Variants in TMPPE observed in about 807,000 individuals in gnomAD.
The protein encoded by TMPPE is transmembrane protein with metallophosphoesterase domain.
In TMPPE, 16 loss-of-function variants were observed where a neutral mutation model predicts 22.6. The observed-to-expected ratio is 0.71, with a 90% CI of 0.48 to 1.08. TMPPE has a LOEUF of 1.08. Ranked by LOEUF, TMPPE falls within the 50% of genes least tolerant of loss-of-function variation. The pLI is 0.00. For missense variants in TMPPE, 526 were observed against 584.3 expected (o/e 0.90, Z 1.03); for synonymous variants, 240 against 245.3 (o/e 0.98, Z 0.20).
In TMPPE at chr3:33,093,237, C is replaced by T; in HGVS notation, c.959G>A (p.Gly320Asp). 6.2e-7 allele frequency: 1 copy of T among 1,614,128 alleles called. No individual in the cohort carries two copies. The highest frequency in any genetic ancestry group is 8.5e-7 in the Non-Finnish European group (1 of 1,180,002). The change falls in exon 2 of 2, where the codon GGC (glycine) becomes GAC (aspartate). Residue 320 changes from glycine (G) to aspartate (D), a missense_variant. Physicochemically the swap from Gly to Asp is moderately conservative, Grantham distance 94. Coordinates refer to ENST00000342462, the MANE Select transcript of TMPPE (RefSeq NM_001039770.3). This position sits in a 1 kb window ranked among gnomAD's most constrained non-coding sequence, Gnocchi z 6.0. ...TRAQRGGGGS[G>D]SGSEDEDWIC... ...CCAGTCCTCATCCTCACTCCCACTGCCACTGCCACCACCACCACGTTGGGC... is the reference window on the plus strand; with the variant it reads ...CCAGTCCTCATCCTCACTCCCACTGTCACTGCCACCACCACCACGTTGGGC...
intron 1 of TMPPE, among the ~76,000 whole-genome samples, chr3:33,095,300 G>A (rs1373100839): frequency 6.6e-6 from 1 of 151,220 alleles, no homozygotes; most frequent in Non-Finnish European, 1.5e-5. Flanking sequence ...GCTGGGTCAC[G>A]AGGTCAGGAG....
At position 33,092,616 on chromosome 3, in the gene TMPPE, T is replaced by C; in HGVS notation, c.*218A>G. 2.2e-6 allele frequency: 3 copies of C among 1,360,390 alleles called. No individual in the cohort carries two copies. The highest frequency in any genetic ancestry group is 2.1e-5 in the South Asian group (1 of 47,996). The allele number at this position is 1,360,390 out of a possible 1,614,324, so 84.3% of individuals were successfully genotyped here. The stretch of plus-strand genomic sequence containing the variant: ...TATGTGACCTTAGTGATCTCACAAG[T>C]GCATCAAAAAAAGCAACTGGCCAAG... On this transcript the variant is annotated 3_prime_UTR_variant, in exon 2 of 2. Coordinates refer to ENST00000342462, the MANE Select transcript of TMPPE (RefSeq NM_001039770.3).
chr3:33,092,711 A>C lies in TMPPE; in HGVS notation c.*123T>G. 6.8e-7 allele frequency: 1 copy of C among 1,469,762 alleles called. No individual in the cohort carries two copies. The highest frequency in any genetic ancestry group is 9.0e-7 in the Non-Finnish European group (1 of 1,114,408). The allele number at this position is 1,469,762 out of a possible 1,614,324, so 91.0% of individuals were successfully genotyped here. On this transcript the variant is annotated 3_prime_UTR_variant, in exon 2 of 2. Coordinates refer to ENST00000342462, the MANE Select transcript of TMPPE (RefSeq NM_001039770.3). ...AGTCACTGTTTGAGTCAGGCTTGTG[A>C]CCAAGGGTGTGTAGGCAAGGATGAG...
chr3:33,091,735 G>C lies in TMPPE; in HGVS notation c.*1099C>G. ...GCCCTATGAGTGAGCAGCAGGGTTAGCCTCTCCAGTCAGAGCGAGTGTCTT... is the reference window on the plus strand; with the variant it reads ...GCCCTATGAGTGAGCAGCAGGGTTACCCTCTCCAGTCAGAGCGAGTGTCTT... On this transcript the variant is annotated 3_prime_UTR_variant, in exon 2 of 2. Coordinates refer to ENST00000342462, the MANE Select transcript of TMPPE (RefSeq NM_001039770.3). 3 of 985,420 alleles carry C rather than the reference G, an allele frequency of 3.0e-6. No homozygotes were observed. Among genetic ancestry groups the C allele is most frequent in the Non-Finnish European group, 3.6e-6 (3 of 829,950 alleles). The allele number at this position is 985,420 out of a possible 1,614,324, so 61.0% of individuals were successfully genotyped here. A position where few individuals can be genotyped will look rare whatever the true frequency, so the allele number is the denominator to read the frequency against.
chr3:33,093,018 T>A lies in TMPPE; in HGVS notation c.1178A>T (p.His393Leu). The A allele has an allele frequency of 6.2e-7, 1 of 1,614,166 alleles. No homozygotes were observed. Among genetic ancestry groups the A allele is most frequent in the Non-Finnish European group, 8.5e-7 (1 of 1,180,016 alleles). ...DINLILSGHT[H>L]AGQIFPLNVA... is the part of the protein sequence containing the mutation. ...GTTCAAGGGGAAGATCTGCCCAGCA[T>A]GTGTGTGCCCAGAAAGGATCAGGTT... The change falls in exon 2 of 2, where the codon CAT becomes CTT. Residue 393 changes from histidine to leucine, a missense_variant. His to Leu is a moderately conservative substitution (Grantham distance 99). Coordinates refer to ENST00000342462, the MANE Select transcript of TMPPE (RefSeq NM_001039770.3). This position sits in a 1 kb window ranked among gnomAD's most constrained non-coding sequence, Gnocchi z 6.0.
In TMPPE at chr3:33,092,529, G is replaced by C; in HGVS notation, c.*305C>G. 3.5e-6 allele frequency: 4 copies of C among 1,135,824 alleles called. No homozygotes were observed. Among genetic ancestry groups the C allele is most frequent in the Non-Finnish European group, 3.2e-6 (3 of 924,550 alleles). 70.4% of individuals were successfully genotyped at this position (1,135,824 alleles called of 1,614,324 possible). On this transcript the variant is annotated 3_prime_UTR_variant, in exon 2 of 2. Coordinates refer to ENST00000342462, the MANE Select transcript of TMPPE (RefSeq NM_001039770.3). ...AACCCCGAGGGGAGGTTCATCCCTG[G>C]GAGCTCTGCAGGAGAAGGTCCCCAT...
Position 33,092,733 on chromosome 3 carries a change from T to G in TMPPE, c.*101A>C. ...GTGACCAAGGGTGTGTAGGCAAGGA[T>G]GAGTGGGCAAGGCTGGAGGGGAAAA... On this transcript the variant is annotated 3_prime_UTR_variant, in exon 2 of 2. Coordinates refer to ENST00000342462, the MANE Select transcript of TMPPE (RefSeq NM_001039770.3). 6.7e-7 allele frequency: 1 copy of G among 1,498,888 alleles called. No homozygotes were observed. Among genetic ancestry groups the G allele is most frequent in the Non-Finnish European group, 8.9e-7 (1 of 1,127,704 alleles). 92.8% of individuals were successfully genotyped at this position (1,498,888 alleles called of 1,614,324 possible). A position where few individuals can be genotyped will look rare whatever the true frequency, so the allele number is the denominator to read the frequency against.
chr3:33,091,039 T>G lies in TMPPE; in HGVS notation c.*1795A>C. ...AACACGTAACAGGTGAGTCAAACAT[T>G]ACCAGCCGCATCAAACAGTGGAAGT... is the stretch of plus-strand genomic sequence containing the variant. On this transcript the variant is annotated 3_prime_UTR_variant, in exon 2 of 2. Coordinates refer to ENST00000342462, the MANE Select transcript of TMPPE (RefSeq NM_001039770.3). 2 of 985,316 alleles carry G rather than the reference T, an allele frequency of 2.0e-6. No individual in the cohort carries two copies. Among genetic ancestry groups the G allele is most frequent in the South Asian group, 4.7e-5 (1 of 21,284 alleles). 61.0% of individuals were successfully genotyped at this position (985,316 alleles called of 1,614,324 possible).
At chr3:33,095,783 T>C (rs1237194458) in intron 1 of TMPPE, among the ~76,000 whole-genome samples, 1 of 152,300 alleles carries the variant, frequency 6.6e-6, no homozygotes, top group East Asian at 1.9e-4. Context: ...ACTGTTCTCC[T>C]GAACTGTGCC....
rs1701052359 is a variant in TMPPE at position 33,096,825 on chromosome 3, C to T, written c.-215G>A. On this transcript the variant is annotated 5_prime_UTR_variant, in exon 1 of 2. Transcript: ENST00000342462. Reference sequence around the variant, plus strand: ...CTGCCTGGAAGGACGCGCGCCCCGCCCGGCCCGCCCCCGACGGGAAGGCCG... The same window carrying T: ...CTGCCTGGAAGGACGCGCGCCCCGCTCGGCCCGCCCCCGACGGGAAGGCCG... 2.2e-6 allele frequency: 3 copies of T among 1,366,936 alleles called. No homozygotes were observed. Among genetic ancestry groups the T allele is most frequent in the East Asian group, 3.1e-5 (1 of 32,350 alleles). The allele number at this position is 1,366,936 out of a possible 1,614,324, so 84.7% of individuals were successfully genotyped here.
At position 33,092,843 on chromosome 3, in the gene TMPPE, C is replaced by T; in HGVS notation, c.1353G>A (p.Arg451=). 1 of 1,600,944 alleles carries T rather than the reference C, an allele frequency of 6.2e-7. No individual in the cohort carries two copies. Among genetic ancestry groups the T allele is most frequent in the Non-Finnish European group, 8.5e-7 (1 of 1,172,510 alleles). The change falls in exon 2 of 2, where the codon CGG becomes CGA. Residue 451 remains arginine (R), a synonymous_variant. Transcript: ENST00000342462. ...RAEITELILQ[R]SP is the part of the protein sequence containing the mutation. ...ACAGGGCAGGGCCAGTTCAGGGAGA[C>T]CGCTGCAGGATGAGCTCTGTGATCT...
chr3:33,096,145 A>T (rs1276241400), intron 1 of TMPPE, among the ~76,000 whole-genome samples: 4 of 151,980 alleles, frequency 2.6e-5, no homozygotes, highest in African/African-American at 9.7e-5. Context: ...GCCCACCTAC[A>T]CCCTGGAGGA....
rs565587558 is a variant in TMPPE at position 33,093,568 on chromosome 3, C to T, written c.628G>A (p.Val210Met). The T allele has an allele frequency of 9.0e-5, 145 of 1,614,156 alleles. 2 individuals are homozygous for T. In the South Asian group the frequency reaches 1.5e-3, roughly 16 times the overall value. Residue 210 changes from valine to methionine, a missense_variant, in exon 2 of 2, where the codon GTG (valine) becomes ATG (methionine). Coordinates refer to ENST00000342462, the MANE Select transcript of TMPPE (RefSeq NM_001039770.3). This position sits in a 1 kb window ranked among gnomAD's most constrained non-coding sequence, Gnocchi z 6.0. ...LPASMNNLKI[V>M]LLSDIHLGPT... ...CCCAAGTGAATGTCTGAGAGGAGCA[C>T]GATCTTGAGGTTGTTCATTGAGGCA...
chr3:33,095,835 C>T (rs1701001797), intron 1 of TMPPE, among the ~76,000 whole-genome samples: 1 of 152,232 alleles, frequency 6.6e-6, no homozygotes, highest in Admixed American at 6.5e-5. Context: ...CTGGCTAGCT[C>T]TGACTCCTAA....
At position 33,097,102 on chromosome 3, in the gene TMPPE, G is replaced by A. The variant is rs1233290104; in HGVS notation, c.-492C>T. 4 of 1,611,550 alleles carry A rather than the reference G, an allele frequency of 2.5e-6. No homozygotes were observed. In the East Asian group the frequency reaches 6.7e-5, roughly 27 times the overall value. On this transcript the variant is annotated 5_prime_UTR_variant, in exon 1 of 2. Coordinates refer to ENST00000342462, the MANE Select transcript of TMPPE (RefSeq NM_001039770.3). Reference sequence around the variant, plus strand: ...CCCCGGCATGACCACCAGCCTCCCGGCTCTGCAGTCGGCGCCCAGGCCGGC... The same window carrying A: ...CCCCGGCATGACCACCAGCCTCCCGACTCTGCAGTCGGCGCCCAGGCCGGC...
At position 33,093,076 on chromosome 3, in the gene TMPPE, C is replaced by A; in HGVS notation, c.1120G>T (p.Ala374Ser). The A allele has an allele frequency of 6.2e-7, 1 of 1,614,190 alleles. No homozygotes were observed. The highest frequency in any genetic ancestry group is 1.1e-5 in the South Asian group (1 of 91,078). ...IILLAHQPLA[A>S]KRALQARPDI... The stretch of plus-strand genomic sequence containing the variant: ...GGCCGAGCCTGGAGAGCTCTCTTGG[C>A]AGCCAGGGGCTGGTGAGCTAGCAAG... The change falls in exon 2 of 2, where the codon GCC becomes TCC. Residue 374 changes from alanine (A) to serine (S), a missense_variant. Coordinates refer to ENST00000342462, the MANE Select transcript of TMPPE (RefSeq NM_001039770.3). The surrounding 1 kb of genome is among the most constrained non-coding windows in gnomAD (Gnocchi z 6.0).
At chr3:33,094,410 T>G in intron 1 of TMPPE, 107 bp from the exon 2 acceptor site, 1 of 1,272,106 alleles carries the variant, frequency 7.9e-7, no homozygotes, top group Admixed American at 3.5e-5. Flanking sequence ...GAATCCAAGC[T>G]ACTCAAATAC....
Position 33,094,309 on chromosome 3 carries a change from A to G in TMPPE, c.-108-6T>C. 2 of 1,484,262 alleles carry G rather than the reference A, an allele frequency of 1.3e-6. No homozygotes were observed. The highest frequency in any genetic ancestry group is 1.8e-6 in the Non-Finnish European group (2 of 1,118,498). The allele number at this position is 1,484,262 out of a possible 1,614,324, so 91.9% of individuals were successfully genotyped here. A position where few individuals can be genotyped will look rare whatever the true frequency, so the allele number is the denominator to read the frequency against. ...GGTTTCCAGGTCAACTCCGCCTGCAACCAGGAACCAGCATCAGCTTTGTGG... is the reference window on the plus strand; with the variant it reads ...GGTTTCCAGGTCAACTCCGCCTGCAGCCAGGAACCAGCATCAGCTTTGTGG... On this transcript the variant is annotated splice_polypyrimidine_tract_variant and splice_region_variant and intron_variant, in intron 1 of 1. Transcript: ENST00000342462.
At position 33,092,959 on chromosome 3, in the gene TMPPE, C is replaced by T. The variant is rs140202261; in HGVS notation, c.1237G>A (p.Gly413Ser). The change falls in exon 2 of 2, where the codon GGT (glycine) becomes AGT (serine). Residue 413 changes from glycine to serine, a missense_variant. Physicochemically the swap from Gly to Ser is moderately conservative, Grantham distance 56. Coordinates refer to ENST00000342462, the MANE Select transcript of TMPPE (RefSeq NM_001039770.3). ...AAYLLNPFFAGLYQVAQATFV... is the reference protein window; with the variant it reads ...AAYLLNPFFASLYQVAQATFV... ...GTAGCCTGGGCCACCTGGTAGAGAC[C>T]AGCAAAGAAGGGATTCAGGAGATAG... The T allele has an allele frequency of 8.7e-6, 14 of 1,614,186 alleles. No individual in the cohort carries two copies. The highest frequency in any genetic ancestry group is 1.2e-5 in the Non-Finnish European group (14 of 1,180,042).
Sources: allele counts gnomAD v4.1 joint callset (sites outside exome capture counted in the v4.1 genomes callset), GRCh38; gene constraint gnomAD v4.1.1; non-coding constraint Gnocchi (gnomAD v3.1); transcripts MANE v1.5; gene names NCBI Gene and HGNC (gene_info 2026-07-23, HGNC 2026-07-21).